The following GRIK4 variants were observed in gnomAD, a reference collection of about 807,000 sequenced individuals.
The protein encoded by GRIK4 is glutamate ionotropic receptor kainate type subunit 4, also known as glutamate receptor ionotropic, kainate 4.
Under a neutral mutation model 104.9 loss-of-function variants are expected in GRIK4, and 40 were observed. The observed-to-expected ratio is 0.38, with a 90% CI of 0.30 to 0.50. The LOEUF is 0.50. GRIK4 is among the 20% of genes least tolerant of loss of function. GRIK4 has a pLI of 0.93. For missense variants in GRIK4, 1,047 were observed against 1,308.1 expected (o/e 0.80, Z 3.08); for synonymous variants, 485 against 524.9 (o/e 0.92, Z 1.04).
rs189701852 is a variant in GRIK4, at chr11:120,649,502, G to A, written c.-158-4183G>A. 2.4e-4 allele frequency among the ~76,000 whole-genome samples: 37 copies of A among 152,284 alleles called. 1 individual carries two copies. The South Asian group carries it at 5.4e-3, about 22-fold the overall frequency. On this transcript the variant is annotated intron_variant, in intron 1 of 20. Transcript: ENST00000527524. ...AGCCTCAGGACTTCCTCTTTGTCAC[G>A]AACAGCCGTTCCAGTGCTTTCCTCT...
At chr11:120,551,645 G>T (rs1948141487) in intron 1 of GRIK4, among the ~76,000 whole-genome samples, 1 of 152,148 alleles carries the variant, frequency 6.6e-6, no homozygotes, top group Non-Finnish European at 1.5e-5. Flanking sequence ...GCTGGGCGTG[G>T]TGGTGGGCGC....
In GRIK4 at chr11:120,787,852, C is replaced by CTTTTTTTTTTTTTTTTTTTTTT. The variant is rs58523604; in HGVS notation, c.83-14833_83-14812dup. Among the ~76,000 whole-genome samples, 144 of 77,118 alleles carry CTTTTTTTTTTTTTTTTTTTTTT rather than the reference C, an allele frequency of 1.9e-3. 26 individuals are homozygous for CTTTTTTTTTTTTTTTTTTTTTT. Among genetic ancestry groups the CTTTTTTTTTTTTTTTTTTTTTT allele is most frequent in the African/African-American group, 4.5e-3 (73 of 16,184 alleles). The allele number at this position is 77,118 out of a possible 152,430, so 50.6% of individuals were successfully genotyped here. A position where few individuals can be genotyped will look rare whatever the true frequency, so the allele number is the denominator to read the frequency against. On this transcript the variant is annotated intron_variant, in intron 3 of 20. Transcript: ENST00000527524. ...TTTCTTCTCTTTTTTCTTTTCTTTTCTTTTTTTTTTTTTTTTTTTTTTTTT... is the reference window on the plus strand; with the variant it reads ...TTTCTTCTCTTTTTTCTTTTCTTTTCTTTTTTTTTTTTTTTTTTTTTTTTTTTTTTTTTTTTTTTTTTTTTTT...
At chr11:120,846,900 G>A (rs1953865570) in intron 8 of GRIK4, among the ~76,000 whole-genome samples, 1 of 152,128 alleles carries the variant, frequency 6.6e-6, no homozygotes, top group African/African-American at 2.4e-5. Flanking sequence ...GTCCTCATCT[G>A]GCTGGCTCAT....
At chr11:120,719,466 C>T (rs1282896294) in intron 3 of GRIK4, among the ~76,000 whole-genome samples, 1 of 152,152 alleles carries the variant, frequency 6.6e-6, no homozygotes, top group Non-Finnish European at 1.5e-5. Context: ...GGGCCAGCTA[C>T]CTTCCCTTGG....
chr11:120,841,374 C>G (rs766684419), intron 8 of GRIK4, among the ~76,000 whole-genome samples: 8 of 152,104 alleles, frequency 5.3e-5, no homozygotes, highest in Non-Finnish European at 7.3e-5. Flanking sequence ...AATATTTGTC[C>G]TTTTGTGTTT....
At chr11:120,931,771 C>T (rs934324230) in intron 13 of GRIK4, among the ~76,000 whole-genome samples, 7 of 152,220 alleles carry the variant, frequency 4.6e-5, no homozygotes, top group Non-Finnish European at 7.3e-5. Flanking sequence ...ATTGATATTA[C>T]AAGTCCAATA....
intron 3 of GRIK4, among the ~76,000 whole-genome samples, chr11:120,660,847 G>A (rs1179979906): frequency 1.3e-5 from 2 of 152,154 alleles, no homozygotes; most frequent in Non-Finnish European, 2.9e-5. Context: ...GCGTGGCCTG[G>A]CTGCTTGGAA....
At chr11:120,805,449 G>A (rs1952692978) in intron 4 of GRIK4, among the ~76,000 whole-genome samples, 1 of 152,094 alleles carries the variant, frequency 6.6e-6, no homozygotes, top group African/African-American at 2.4e-5. Flanking sequence ...AAAATATTGA[G>A]CCAGATGAAT....
chr11:120,822,232 A>AAAAAAAAG (rs796180829), intron 6 of GRIK4, among the ~76,000 whole-genome samples: 29 of 147,146 alleles, frequency 2.0e-4, no homozygotes, highest in African/African-American at 7.8e-4. Flanking sequence ...AAAAAAAAAA[A>AAAAAAAAG]AAAGACAGTA....
At chr11:120,661,465 A>G (rs1949815113) in intron 3 of GRIK4, among the ~76,000 whole-genome samples, 1 of 152,216 alleles carries the variant, frequency 6.6e-6, no homozygotes, top group Admixed American at 6.5e-5. Flanking sequence ...GTGGGAGCAA[A>G]GGCAGGAATC....
At chr11:120,853,503 A>G (rs980150888) in intron 8 of GRIK4, among the ~76,000 whole-genome samples, 4 of 152,102 alleles carry the variant, frequency 2.6e-5, no homozygotes, top group African/African-American at 9.7e-5. Flanking sequence ...AAGAGATGTA[A>G]AGGAATTATA....
chr11:120,837,807 G>A (rs554348674), intron 8 of GRIK4, among the ~76,000 whole-genome samples: 78 of 152,262 alleles, frequency 5.1e-4, no homozygotes, highest in Middle Eastern at 3.4e-3. Context: ...AGGCATCTGG[G>A]GGAGCCTGGG....
At chr11:120,608,715 C>T (rs1195355806) in intron 1 of GRIK4, among the ~76,000 whole-genome samples, 1 of 152,206 alleles carries the variant, frequency 6.6e-6, no homozygotes, top group Non-Finnish European at 1.5e-5. Flanking sequence ...GCTTGTGTCT[C>T]TGCAGGGCCC....
At chr11:120,924,515 A>G (rs1462893879) in intron 13 of GRIK4, among the ~76,000 whole-genome samples, 1 of 152,162 alleles carries the variant, frequency 6.6e-6, no homozygotes, top group Admixed American at 6.5e-5. Context: ...TCCCTGTGTG[A>G]TCAATCACTG....
intron 1 of GRIK4, among the ~76,000 whole-genome samples, chr11:120,601,415 CA>C: frequency 6.6e-6 from 1 of 152,116 alleles, no homozygotes; most frequent in South Asian, 2.1e-4. Flanking sequence ...CAAACGAAAA[CA>C]AAAACAAACC....
At chr11:120,920,768 A>G (rs973086337) in intron 13 of GRIK4, among the ~76,000 whole-genome samples, 5 of 152,200 alleles carry the variant, frequency 3.3e-5, no homozygotes, top group African/African-American at 1.2e-4. Flanking sequence ...ACCATAAATT[A>G]GTATCTGAAT....
intron 1 of GRIK4, among the ~76,000 whole-genome samples, chr11:120,525,620 T>C (rs17123976): frequency 0.019 from 2,821 of 152,300 alleles, 45 homozygotes; most frequent in East Asian, 0.063. Context: ...ACACCAAGGT[T>C]AGCCGCGTGC....
intron 9 of GRIK4, chr11:120,870,919 G>C (rs1166318854): frequency 6.6e-6 from 1 of 152,136 alleles, no homozygotes; most frequent in African/African-American, 2.4e-5. Context: ...GTTGATTTTT[G>C]TATTTATACT....
intron 19 of GRIK4, among the ~76,000 whole-genome samples, chr11:120,973,315 G>C (rs1944506807): frequency 6.6e-6 from 1 of 152,168 alleles, no homozygotes; most frequent in African/African-American, 2.4e-5. Context: ...GGGAGATCAG[G>C]CTTCCAGGAA....
Sources: gnomAD v4.1 joint callset for allele counts (sites outside exome capture counted in the v4.1 genomes callset) on GRCh38, gnomAD v4.1.1 for gene constraint, MANE v1.5 for transcripts, NCBI Gene and HGNC (gene_info 2026-07-23, HGNC 2026-07-21) for gene names.